The following SREBF2 variants were observed in gnomAD, a reference collection of about 807,000 sequenced individuals.
SREBF2 encodes the protein sterol regulatory element-binding protein 2.
Under a neutral mutation model 113.1 loss-of-function variants are expected in SREBF2, and 55 were observed. The ratio of observed to expected loss-of-function variants is 0.49; its 90% CI spans 0.39 to 0.61. SREBF2 has a LOEUF of 0.61. SREBF2 is among the 20% of genes least tolerant of loss of function. The probability of loss-of-function intolerance (pLI) is 0.00; values close to 1 mark genes in which losing one functional copy is unlikely to be tolerated. For missense variants in SREBF2, 1,349 were observed against 1,487.4 expected, an observed-to-expected ratio of 0.91 and a Z score of 1.53; for synonymous variants, 593 against 605.7, an observed-to-expected ratio of 0.98 and a Z score of 0.31.
intron 15 of SREBF2, chr22:41,900,115 G>GA (rs2077452464): frequency 6.9e-7 from 1 of 1,453,588 alleles, no homozygotes; most frequent in Non-Finnish European, 9.1e-7. Flanking sequence ...TTCCAGCATT[G>GA]AATGAAGGTG....
Position 41,833,171 on chromosome 22 carries a change from C to A in SREBF2, c.-100C>A, listed in dbSNP as rs1343120308. 1 of 902,760 alleles carries A rather than the reference C, an allele frequency of 1.1e-6. No homozygotes were observed. Among genetic ancestry groups the A allele is most frequent in the Non-Finnish European group, 1.6e-6 (1 of 642,410 alleles). The allele number at this position is 902,760 out of a possible 1,614,324, so 55.9% of individuals were successfully genotyped here. A position where few individuals can be genotyped will look rare whatever the true frequency, so the allele number is the denominator to read the frequency against. On this transcript the variant is annotated 5_prime_UTR_variant, in exon 1 of 19. Transcript: ENST00000361204. The surrounding 1 kb of genome is among the most constrained non-coding windows in gnomAD (Gnocchi z 4.1). The stretch of plus-strand genomic sequence containing the variant: ...GGTGGCACCCGTCGGTGAGGCGGTG[C>A]CGGGCGGGGGTTGTCGGGTGTCATG...
At chr22:41,851,697 G>C (rs1254713285) in intron 1 of SREBF2, among the ~76,000 whole-genome samples, 1 of 151,918 alleles carries the variant, frequency 6.6e-6, no homozygotes, top group Admixed American at 6.6e-5. Flanking sequence ...GTTTCACCCT[G>C]TTGGCCAGGC....
At position 41,899,222 on chromosome 22, in the gene SREBF2, C is replaced by T. The variant is rs1382859783; in HGVS notation, c.2738+441C>T. On this transcript the variant is annotated intron_variant, in intron 15 of 18. Coordinates refer to ENST00000361204, the MANE Select transcript of SREBF2 (RefSeq NM_004599.4). The stretch of plus-strand genomic sequence containing the variant: ...TTGCCCCTGTGTGCTAGCATTTTAT[C>T]CACTTTCCTTCCAGCCACCTCCACC... 8.3e-6 allele frequency: 9 copies of T among 1,086,568 alleles called. No homozygotes were observed. The East Asian group carries it at 5.4e-4, about 65-fold the overall frequency. The allele number at this position is 1,086,568 out of a possible 1,614,324, so 67.3% of individuals were successfully genotyped here. A position where few individuals can be genotyped will look rare whatever the true frequency, so the allele number is the denominator to read the frequency against.
intron 12 of SREBF2, among the ~76,000 whole-genome samples, chr22:41,894,042 G>A (rs2077388950): frequency 6.6e-6 from 1 of 152,106 alleles, no homozygotes; most frequent in African/African-American, 2.4e-5. Context: ...TGAGAATTGT[G>A]TGCAACACCA....
At chr22:41,878,888 G>C in intron 9 of SREBF2, 1 of 483,316 alleles carries the variant, frequency 2.1e-6, no homozygotes, top group Non-Finnish European at 3.6e-6. Flanking sequence ...ATTTTGAGAG[G>C]CCTGTTCCTT....
chr22:41,881,529 C>A (rs374251271), intron 10 of SREBF2, among the ~76,000 whole-genome samples: 1 of 152,134 alleles, frequency 6.6e-6, no homozygotes, highest in Non-Finnish European at 1.5e-5. Context: ...TGGAAGGATG[C>A]ATAGAGGTCA....
chr22:41,894,960 C>A, intron 13 of SREBF2, 23 bp downstream of exon 13: 1 of 1,601,546 alleles, frequency 6.2e-7, no homozygotes, highest in Non-Finnish European at 8.6e-7. Flanking sequence ...GACCAGTCCC[C>A]CTGCCTTAGG....
At position 41,905,412 on chromosome 22, in the gene SREBF2, G is replaced by A. The variant is rs572466135; in HGVS notation, c.3206-28G>A. ...TGCACCAACTTCATGGTAGATTCTC[G>A]GTTGTGACACACATCTCCTTCCCAC... On this transcript the variant is annotated intron_variant, in intron 18 of 18. Coordinates refer to ENST00000361204, the MANE Select transcript of SREBF2 (RefSeq NM_004599.4). 2.6e-4 allele frequency: 406 copies of A among 1,548,430 alleles called. 6 individuals are homozygous for A. The South Asian group carries it at 4.2e-3, about 16-fold the overall frequency.
In SREBF2 at chr22:41,905,907, C is replaced by CTTGA; in HGVS notation, c.*249_*252dup. The CTTGA allele has an allele frequency of 1.5e-6, 1 of 676,024 alleles. No individual in the cohort carries two copies. The highest frequency in any genetic ancestry group is 1.5e-5 in the South Asian group (1 of 66,508). The allele number at this position is 676,024 out of a possible 1,614,324, so 41.9% of individuals were successfully genotyped here. ...CAGGGCAGAAACTGGGCAGCCCTGA[C>CTTGA]TTGATAGCAGCAGGGGGAGCTCCCA... is the stretch of plus-strand genomic sequence containing the variant. On this transcript the variant is annotated 3_prime_UTR_variant, in exon 19 of 19. Coordinates refer to ENST00000361204, the MANE Select transcript of SREBF2 (RefSeq NM_004599.4).
chr22:41,905,646 A>C lies in SREBF2; in HGVS notation c.3412A>C (p.Ile1138Leu). The C allele has an allele frequency of 6.3e-7, 1 of 1,585,374 alleles. No individual in the cohort carries two copies. Among genetic ancestry groups the C allele is most frequent in the Non-Finnish European group, 8.6e-7 (1 of 1,166,678 alleles). The part of the protein sequence containing the change: ...MIVKLGGGTA[I>L]AAS Reference sequence around the variant, plus strand: ...TGTTAAGCTGGGTGGTGGCACTGCCATTGCCGCCTCCTGACCACCAGGCTC... The same window carrying C: ...TGTTAAGCTGGGTGGTGGCACTGCCCTTGCCGCCTCCTGACCACCAGGCTC... The change falls in exon 19 of 19, where the codon ATT becomes CTT. Residue 1138 changes from isoleucine to leucine, a missense_variant. Physicochemically the swap from Ile to Leu is conservative, Grantham distance 5. Coordinates refer to ENST00000361204, the MANE Select transcript of SREBF2 (RefSeq NM_004599.4).
At chr22:41,893,546 C>T (rs2077384407) in intron 12 of SREBF2, among the ~76,000 whole-genome samples, 1 of 152,120 alleles carries the variant, frequency 6.6e-6, no homozygotes, top group Non-Finnish European at 1.5e-5. Context: ...AGCCCATGGT[C>T]CTTACATCAC....
At chr22:41,894,344 A>G (rs2077391519) in intron 12 of SREBF2, among the ~76,000 whole-genome samples, 1 of 152,208 alleles carries the variant, frequency 6.6e-6, no homozygotes, top group African/African-American at 2.4e-5. Context: ...GCCAGTTCAG[A>G]CAGGTCACTG....
At position 41,871,002 on chromosome 22, in the gene SREBF2, C is replaced by T. The variant is rs2077135173; in HGVS notation, c.834C>T (p.Thr278=). Residue 278 remains threonine (T), a synonymous_variant, in exon 4 of 19, where the codon ACC becomes ACT. Coordinates refer to ENST00000361204, the MANE Select transcript of SREBF2 (RefSeq NM_004599.4). The part of the protein sequence containing the change: ...AVQNPALTAL[T]TPIQTAALQV... ...AGAACCCGGCCCTCACCGCCCTCAC[C>T]ACCCCTATCCAGACGGCTGCCCTTC... 1 of 1,614,020 alleles carries T rather than the reference C, an allele frequency of 6.2e-7. No homozygotes were observed. Among genetic ancestry groups the T allele is most frequent in the Non-Finnish European group, 8.5e-7 (1 of 1,180,028 alleles).
At chr22:41,871,191 T>G (rs1428722283) in intron 4 of SREBF2, among the ~76,000 whole-genome samples, 156 bp downstream of exon 4, 1 of 152,180 alleles carries the variant, frequency 6.6e-6, no homozygotes, top group Non-Finnish European at 1.5e-5. Flanking sequence ...TAGTTGTTTT[T>G]CGCTCGAAAA....
chr22:41,870,878 T>C lies in SREBF2; in HGVS notation c.721-11T>C. On this transcript the variant is annotated splice_polypyrimidine_tract_variant and intron_variant, in intron 3 of 18. Coordinates refer to ENST00000361204, the MANE Select transcript of SREBF2 (RefSeq NM_004599.4). The stretch of plus-strand genomic sequence containing the variant: ...CTATCATCCTTTTACTTTTCTTCCT[T>C]CTTCATCCAGGTCCTGGTCCAGCCT... 1 of 1,614,176 alleles carries C rather than the reference T, an allele frequency of 6.2e-7. No homozygotes were observed. The highest frequency in any genetic ancestry group is 8.5e-7 in the Non-Finnish European group (1 of 1,180,036).
intron 14 of SREBF2, among the ~76,000 whole-genome samples, chr22:41,898,408 G>A (rs1189376080): frequency 1.3e-5 from 2 of 152,330 alleles, no homozygotes; most frequent in South Asian, 2.1e-4. Context: ...GTGAGCCACC[G>A]CGGCCAACCA....
At chr22:41,855,943 G>C (rs1432538542) in intron 1 of SREBF2, among the ~76,000 whole-genome samples, 1 of 151,108 alleles carries the variant, frequency 6.6e-6, no homozygotes, top group Non-Finnish European at 1.5e-5. Flanking sequence ...TTTTTAGAGA[G>C]ATGGGGTCTC....
chr22:41,903,198 G>T, intron 17 of SREBF2, 43 bp downstream of exon 17: 2 of 1,542,306 alleles, frequency 1.3e-6, no homozygotes, highest in Non-Finnish European at 1.7e-6. Context: ...ATTGGAGCCT[G>T]TGGGGCCTGA....
intron 15 of SREBF2, chr22:41,899,492 A>G: frequency 2.0e-6 from 2 of 993,696 alleles, no homozygotes; most frequent in Non-Finnish European, 2.4e-6. Context: ...CCTTAGAGCC[A>G]AGGCTGTAGC....
Sources: allele counts gnomAD v4.1 joint callset (sites outside exome capture counted in the v4.1 genomes callset), GRCh38; gene constraint gnomAD v4.1.1; non-coding constraint Gnocchi (gnomAD v3.1); transcripts MANE v1.5; gene names NCBI Gene and HGNC (gene_info 2026-07-23, HGNC 2026-07-21).